KAT6A: variants seen among roughly 807,000 people sequenced by gnomAD.
KAT6A encodes the protein histone acetyltransferase KAT6A.
Under a neutral mutation model 198.4 loss-of-function variants are expected in KAT6A, and 9 were observed. The ratio of observed to expected loss-of-function variants is 0.05; its 90% CI spans 0.03 to 0.08. The LOEUF is 0.08. KAT6A is among the 10% of genes least tolerant of loss of function. KAT6A has a pLI of 1.00. For missense variants in KAT6A, 2,077 were observed against 2,509.9 expected (o/e 0.83, Z 3.69); for synonymous variants, 890 against 883.0 (o/e 1.01, Z -0.14).
chr8:41,992,632 G>T (rs1825002080), intron 2 of KAT6A, among the ~76,000 whole-genome samples: 1 of 152,006 alleles, frequency 6.6e-6, no homozygotes, highest in African/African-American at 2.4e-5. Context: ...CACAGTACCA[G>T]GTTCACATAT....
chr8:42,049,980 T>A (rs966955236), intron 1 of KAT6A, among the ~76,000 whole-genome samples: 1 of 152,248 alleles, frequency 6.6e-6, no homozygotes, highest in African/African-American at 2.4e-5. Flanking sequence ...AAGAATTACA[T>A]GCTGATAGCT....
Position 41,933,163 on chromosome 8 carries a change from T to G in KAT6A, c.5057A>C (p.Gln1686Pro). 1.3e-6 allele frequency: 2 copies of G among 1,599,490 alleles called. No homozygotes were observed. Among genetic ancestry groups the G allele is most frequent in the South Asian group, 2.2e-5 (2 of 90,006 alleles). Residue 1686 changes from glutamine to proline, a missense_variant, in exon 17 of 17, where the codon CAG (glutamine) becomes CCG (proline). This residue lies in a region of KAT6A where 500 missense variants were observed against 577.2 expected (regional missense o/e 0.87). Transcript: ENST00000265713. This position sits in a 1 kb window ranked among gnomAD's most constrained non-coding sequence, Gnocchi z 6.2. ...QQQPQQQPQP[Q>P]PQQPPPPPPP... is the part of the protein sequence containing the mutation. ...GGGTGGGGGTGGAGGCTGCTGGGGC[T>G]GAGGCTGCGGCTGCTGTTGCGGCTG...
intron 2 of KAT6A, among the ~76,000 whole-genome samples, chr8:42,002,999 C>G (rs190673114): frequency 6.6e-6 from 1 of 152,280 alleles, no homozygotes; most frequent in East Asian, 1.9e-4. Flanking sequence ...TGCTGTGTCT[C>G]AAGTCCAAGT....
At chr8:41,966,816 C>T (rs1293124573) in intron 8 of KAT6A, among the ~76,000 whole-genome samples, 2 of 152,008 alleles carry the variant, frequency 1.3e-5, no homozygotes, top group South Asian at 4.2e-4. Flanking sequence ...CATGACATCC[C>T]GTATACAGAA....
Position 41,987,486 on chromosome 8 carries a change from T to C in KAT6A, c.678A>G (p.Glu226=), listed in dbSNP as rs145724003. The C allele has an allele frequency of 4.3e-6, 7 of 1,612,226 alleles. No homozygotes were observed. The highest frequency in any genetic ancestry group is 2.2e-5 in the East Asian group (1 of 44,892). ...TGCCACAGTCGGCACAGGAGATGAG[T>C]TCCTCTGGCTTCTTTTCTCGGTTTT... is the stretch of plus-strand genomic sequence containing the variant. ...KEQNREKKPE[E]LISCADCGNS... is the part of the protein sequence containing the mutation. The change falls in exon 3 of 17, where the codon GAA becomes GAG. Residue 226 remains glutamate, a synonymous_variant. Transcript: ENST00000265713.
rs10595164 is a variant in KAT6A, at chr8:42,041,192, C to CA, written c.600+7185dup. On this transcript the variant is annotated intron_variant, in intron 2 of 16. Transcript: ENST00000265713. ...TCTGGGCAAGAGTGAGATTCCGTCT[C>CA]AAAAAAAAAAAAAAAAAAAAACTGT... 3.2e-3 allele frequency among the ~76,000 whole-genome samples: 288 copies of CA among 88,710 alleles called. 1 individual carries two copies. Among genetic ancestry groups the CA allele is most frequent in the Middle Eastern group, 5.0e-3 (1 of 200 alleles). 58.2% of individuals were successfully genotyped at this position (88,710 alleles called of 152,430 possible).
chr8:41,946,016 C>T (rs1410656176), intron 12 of KAT6A, among the ~76,000 whole-genome samples: 2 of 146,956 alleles, frequency 1.4e-5, no homozygotes, highest in Admixed American at 6.8e-5. Context: ...GGTGACAGAG[C>T]GAGACTCTGT....
At chr8:42,029,824 T>C (rs990479966) in intron 2 of KAT6A, among the ~76,000 whole-genome samples, 1 of 152,196 alleles carries the variant, frequency 6.6e-6, no homozygotes. Context: ...TTCTTGTTTA[T>C]GTTATCTGTT....
rs750141898 is a variant in KAT6A, at chr8:41,981,058, G to A, written c.826-131C>T. 2.2e-4 allele frequency: 150 copies of A among 671,940 alleles called. 1 individual carries two copies. In the Middle Eastern group the frequency reaches 3.6e-3, roughly 16 times the overall value. The allele number at this position is 671,940 out of a possible 1,614,324, so 41.6% of individuals were successfully genotyped here. On this transcript the variant is annotated intron_variant, in intron 4 of 16. Coordinates refer to ENST00000265713, the MANE Select transcript of KAT6A (RefSeq NM_006766.5). Reference sequence around the variant, plus strand: ...AGATAAGCCAGGCGCAATGGCTCACGCCTGTAATCCCAACACTCTGGGAGG... The same window carrying A: ...AGATAAGCCAGGCGCAATGGCTCACACCTGTAATCCCAACACTCTGGGAGG...
intron 14 of KAT6A, 104 bp from the exon 15 acceptor site, chr8:41,941,548 G>T: frequency 8.4e-7 from 1 of 1,191,120 alleles, no homozygotes. Flanking sequence ...AGGAAACTGA[G>T]CTTTAAAAAG....
At chr8:42,032,701 C>T (rs183537984) in intron 2 of KAT6A, among the ~76,000 whole-genome samples, 250 of 152,124 alleles carry the variant, frequency 1.6e-3, no homozygotes, top group South Asian at 3.5e-3. Flanking sequence ...GTTACTCTTA[C>T]AATGGAGGGC....
At chr8:41,959,496 C>T (rs1823088467) in intron 8 of KAT6A, among the ~76,000 whole-genome samples, 1 of 152,202 alleles carries the variant, frequency 6.6e-6, no homozygotes, top group Admixed American at 6.5e-5. Context: ...AGCAATTCCA[C>T]TGCTGATTAT....
chr8:41,936,213 A>G (rs1821847452), intron 16 of KAT6A, among the ~76,000 whole-genome samples: 1 of 152,214 alleles, frequency 6.6e-6, no homozygotes, highest in African/African-American at 2.4e-5. Context: ...GTGAGCTGAG[A>G]CTGTGCCACT....
rs745657299 is a variant in KAT6A, at chr8:42,048,997, C to G, written c.-20G>C. 1 of 1,602,466 alleles carries G rather than the reference C, an allele frequency of 6.2e-7. No individual in the cohort carries two copies. The highest frequency in any genetic ancestry group is 8.5e-7 in the Non-Finnish European group (1 of 1,175,856). ...TACCATGGTGAAGGATTCTGTATAT[C>G]CATAGAGTCGTTATCCCTTATCCTG... On this transcript the variant is annotated 5_prime_UTR_variant, in exon 2 of 17. Transcript: ENST00000265713.
At chr8:41,964,245 G>A (rs1379344873) in intron 8 of KAT6A, among the ~76,000 whole-genome samples, 1 of 152,074 alleles carries the variant, frequency 6.6e-6, no homozygotes, top group South Asian at 2.1e-4. Context: ...TTTGTAAGAT[G>A]AGGCCAAGTA....
At chr8:41,956,359 G>A (rs1226602976) in intron 8 of KAT6A, among the ~76,000 whole-genome samples, 2 of 152,088 alleles carry the variant, frequency 1.3e-5, no homozygotes, top group Admixed American at 1.3e-4. Flanking sequence ...AAAGAGTTTA[G>A]CCTAACCAAA....
intron 2 of KAT6A, among the ~76,000 whole-genome samples, chr8:42,004,696 C>T (rs113744415): frequency 0.016 from 2,464 of 152,164 alleles, 61 homozygotes; most frequent in African/African-American, 0.054. Context: ...GAGGCTGAGG[C>T]GAACAGATCA....
intron 2 of KAT6A, among the ~76,000 whole-genome samples, chr8:42,010,412 G>A (rs936766643): frequency 2.6e-5 from 4 of 152,164 alleles, no homozygotes; most frequent in Non-Finnish European, 5.9e-5. Context: ...TAGAAATTGG[G>A]TTCAGATTCT....
intron 2 of KAT6A, among the ~76,000 whole-genome samples, chr8:42,003,396 A>G (rs1458930132): frequency 6.6e-6 from 1 of 151,452 alleles, no homozygotes; most frequent in African/African-American, 2.4e-5. Context: ...CTAAGTCTGA[A>G]TCTCAGCTCT....
Sources: gnomAD v4.1 joint callset for allele counts (sites outside exome capture counted in the v4.1 genomes callset) on GRCh38, gnomAD v4.1.1 for gene constraint, gnomAD v4.1.1 regional missense constraint, Gnocchi (gnomAD v3.1) non-coding constraint, MANE v1.5 for transcripts, NCBI Gene and HGNC (gene_info 2026-07-23, HGNC 2026-07-21) for gene names.